The following NTM variants were observed in gnomAD, a reference collection of about 807,000 sequenced individuals.
NTM encodes the protein neurotrimin.
A neutral mutation model predicts 42.1 loss-of-function variants in NTM; 13 were observed. The ratio of observed to expected loss-of-function variants is 0.31; its 90% confidence interval spans 0.20 to 0.49. The LOEUF (loss-of-function observed/expected upper bound fraction) is 0.49, where lower values mean the gene tolerates loss of function less well. NTM is among the 20% of genes least tolerant of loss of function. NTM has a pLI of 0.99. For synonymous variants in NTM, 187 were observed against 179.2 expected (o/e 1.04, Z -0.35); for missense variants, 373 against 452.8 (o/e 0.82, Z 1.60).
intron 1 of NTM, among the ~76,000 whole-genome samples, chr11:131,375,258 T>G (rs577051584): frequency 1.8e-3 from 273 of 152,354 alleles, no homozygotes; most frequent in African/African-American, 6.3e-3. Flanking sequence ...GACTCATTAA[T>G]GCTTGTAACA....
At chr11:131,472,888 C>G (rs796722773) in intron 1 of NTM, among the ~76,000 whole-genome samples, 6 of 152,252 alleles carry the variant, frequency 3.9e-5, no homozygotes, top group African/African-American at 1.4e-4. Context: ...GAGATTGAGT[C>G]ATCCCTTGAT....
intron 3 of NTM, among the ~76,000 whole-genome samples, chr11:132,207,043 A>G (rs2082085855): frequency 6.6e-6 from 1 of 152,184 alleles, no homozygotes; most frequent in Non-Finnish European, 1.5e-5. Flanking sequence ...CTAGCACACC[A>G]TTGTGTAACA....
At chr11:132,156,771 C>T (rs961059263) in intron 3 of NTM, among the ~76,000 whole-genome samples, 1 of 152,090 alleles carries the variant, frequency 6.6e-6, no homozygotes, top group Non-Finnish European at 1.5e-5. Context: ...CAAAAATATA[C>T]TTTGCATGGT....
At chr11:132,218,171 C>T (rs552897909) in intron 4 of NTM, among the ~76,000 whole-genome samples, 1 of 152,278 alleles carries the variant, frequency 6.6e-6, no homozygotes, top group African/African-American at 2.4e-5. Context: ...AGGAGAAAGA[C>T]TTCCTCAGCA....
intron 4 of NTM, among the ~76,000 whole-genome samples, chr11:132,218,809 C>G (rs539782030): frequency 2.0e-5 from 3 of 152,146 alleles, no homozygotes; most frequent in Non-Finnish European, 2.9e-5. Context: ...CAATGCCTGG[C>G]TCTTCTCTGA....
intron 2 of NTM, among the ~76,000 whole-genome samples, chr11:132,040,633 TC>T (rs2077057886): frequency 6.6e-6 from 1 of 152,206 alleles, no homozygotes; most frequent in Non-Finnish European, 1.5e-5. Flanking sequence ...GGGGTCTTGT[TC>T]CCACTCCCAT....
At chr11:131,542,807 A>T (rs747810205) in intron 1 of NTM, among the ~76,000 whole-genome samples, 1 of 152,154 alleles carries the variant, frequency 6.6e-6, no homozygotes, top group African/African-American at 2.4e-5. Flanking sequence ...CTGGGTGAGG[A>T]GGTGTGCAGC....
At chr11:132,041,230 A>T (rs2077151849) in intron 2 of NTM, among the ~76,000 whole-genome samples, 1 of 90,194 alleles carries the variant, frequency 1.1e-5, no homozygotes, top group South Asian at 4.1e-4. Flanking sequence ...AGAGAGATAG[A>T]TAGAGAGAGA....
rs371192678 is a variant in NTM, at chr11:131,439,146, C to T, written c.82+68258C>T. Reference sequence around the variant, plus strand: ...CAGAATAGCAGATATTGCAGAACAGCGAATATTGCTTCCTGATCCTTCCTC... The same window carrying T: ...CAGAATAGCAGATATTGCAGAACAGTGAATATTGCTTCCTGATCCTTCCTC... On this transcript the variant is annotated intron_variant, in intron 1 of 8. Transcript: ENST00000683400. Among the ~76,000 whole-genome samples the T allele has an allele frequency of 1.1e-4, 17 of 152,254 alleles. No individual in the cohort carries two copies. The East Asian group carries it at 1.9e-3, about 17-fold the overall frequency.
chr11:132,222,555 G>A (rs79552693), intron 4 of NTM, among the ~76,000 whole-genome samples: 25 of 152,268 alleles, frequency 1.6e-4, no homozygotes, highest in African/African-American at 6.0e-4. Context: ...AACCAGGACA[G>A]TTGAAAGGGA....
chr11:132,178,128 A>G (rs576818403), intron 3 of NTM, among the ~76,000 whole-genome samples: 1 of 152,354 alleles, frequency 6.6e-6, no homozygotes, highest in South Asian at 2.1e-4. Flanking sequence ...GACGTCTTAG[A>G]TAACGTGAAG....
At chr11:131,756,436 A>G (rs905142027) in intron 1 of NTM, among the ~76,000 whole-genome samples, 1 of 151,682 alleles carries the variant, frequency 6.6e-6, no homozygotes. Context: ...AGGCAGGTCA[A>G]TTGCTTGAAC....
intron 1 of NTM, among the ~76,000 whole-genome samples, chr11:131,393,682 CCT>C (rs1348310307): frequency 6.6e-6 from 1 of 152,108 alleles, no homozygotes; most frequent in Non-Finnish European, 1.5e-5. Context: ...TTGGCCCATG[CCT>C]CTCTCTCTCC....
intron 1 of NTM, among the ~76,000 whole-genome samples, chr11:131,898,225 G>T (rs2052597325): frequency 6.6e-6 from 1 of 152,170 alleles, no homozygotes; most frequent in African/African-American, 2.4e-5. Flanking sequence ...ATGTGGGAAA[G>T]CACGCCAGTT....
chr11:131,717,215 G>A (rs1386329824), intron 1 of NTM, among the ~76,000 whole-genome samples: 1 of 152,038 alleles, frequency 6.6e-6, no homozygotes, highest in Admixed American at 6.6e-5. Context: ...TGACTATTCT[G>A]TATCTTTTGC....
At chr11:132,158,868 G>T (rs1014395673) in intron 3 of NTM, among the ~76,000 whole-genome samples, 3 of 152,146 alleles carry the variant, frequency 2.0e-5, no homozygotes, top group African/African-American at 7.2e-5. Context: ...CAGCAGGAAG[G>T]ACTCTGAGAG....
At chr11:131,594,474 C>T (rs1430759019) in intron 1 of NTM, among the ~76,000 whole-genome samples, 2 of 152,036 alleles carry the variant, frequency 1.3e-5, no homozygotes, top group Non-Finnish European at 2.9e-5. Flanking sequence ...CAGCTCACTG[C>T]AACCTCCGCC....
chr11:132,302,017 G>A (rs1018248103), intron 4 of NTM, among the ~76,000 whole-genome samples: 6 of 152,162 alleles, frequency 3.9e-5, no homozygotes, highest in African/African-American at 1.4e-4. Context: ...TATGAAGTCA[G>A]AAATGTGGGA....
At chr11:132,265,496 C>G (rs2093125385) in intron 4 of NTM, among the ~76,000 whole-genome samples, 1 of 152,200 alleles carries the variant, frequency 6.6e-6, no homozygotes, top group South Asian at 2.1e-4. Context: ...TTCTGAACCT[C>G]AAACTGGTAG....
Sources: gnomAD v4.1 joint callset for allele counts (sites outside exome capture counted in the v4.1 genomes callset) on GRCh38, gnomAD v4.1.1 for gene constraint, MANE v1.5 for transcripts, NCBI Gene and HGNC (gene_info 2026-07-23, HGNC 2026-07-21) for gene names.